The following SLC2A9 variants were observed in gnomAD, a reference collection of about 807,000 sequenced individuals.
SLC2A9 encodes solute carrier family 2, facilitated glucose transporter member 9.
In SLC2A9, 39 loss-of-function variants were observed where a neutral mutation model predicts 50.6. That is an observed-to-expected ratio of 0.77 (90% CI 0.60 to 1.01). SLC2A9 has a LOEUF of 1.01. Among genes scored for constraint, SLC2A9 ranks in the 50% least tolerant of loss-of-function variants. The pLI is 0.00. For missense variants in SLC2A9, 686 were observed against 677.6 expected, an observed-to-expected ratio of 1.01 and a Z score of -0.14; for synonymous variants, 324 against 276.9, an observed-to-expected ratio of 1.17 and a Z score of -1.69.
At chr4:10,036,000 G>A (rs1014365394) in intron 1 of SLC2A9, 34 of 194,102 alleles carry the variant, frequency 1.8e-4, no homozygotes, top group Middle Eastern at 2.2e-3. Flanking sequence ...GGACTGAGCC[G>A]TGCTGCCAGA....
intron 10 of SLC2A9, among the ~76,000 whole-genome samples, chr4:9,857,888 G>A (rs1730978822): frequency 6.6e-6 from 1 of 152,124 alleles, no homozygotes; most frequent in African/African-American, 2.4e-5. Context: ...CCCCTCCACT[G>A]AAGCCTACTC....
At chr4:9,814,186 A>G (rs868185645) in intron 3 of SLC2A9, among the ~76,000 whole-genome samples, 3 of 152,262 alleles carry the variant, frequency 2.0e-5, no homozygotes, top group Middle Eastern at 3.4e-3. Flanking sequence ...AAAGAGGAGG[A>G]GAAGGACATT....
At chr4:9,944,642 G>T (rs577121942) in intron 5 of SLC2A9, among the ~76,000 whole-genome samples, 2 of 152,320 alleles carry the variant, frequency 1.3e-5, no homozygotes, top group African/African-American at 4.8e-5. Flanking sequence ...CATCCCTGGG[G>T]TGAACAGCGG....
At chr4:10,025,840 G>T, upstream of SLC2A9, 4 of 1,502,352 alleles carry the variant, frequency 2.7e-6, no homozygotes, top group Non-Finnish European at 9.3e-7. Context: ...CAGGGGAAAG[G>T]GGTACTACCC....
intron 3 of SLC2A9, among the ~76,000 whole-genome samples, chr4:9,780,447 G>A (rs1718181776): frequency 6.6e-6 from 1 of 152,132 alleles, no homozygotes; most frequent in Admixed American, 6.5e-5. Flanking sequence ...GGGGAAGGAG[G>A]TTGGGGGAAG....
At chr4:9,814,805 G>T (rs1179679456) in intron 3 of SLC2A9, among the ~76,000 whole-genome samples, 1 of 152,084 alleles carries the variant, frequency 6.6e-6, no homozygotes, top group Admixed American at 6.5e-5. Flanking sequence ...ATGTCTCAGT[G>T]GTAAAAGAAA....
chr4:9,836,524 T>C (rs2109166018), intron 10 of SLC2A9, among the ~76,000 whole-genome samples: 1 of 152,210 alleles, frequency 6.6e-6, no homozygotes, highest in South Asian at 2.1e-4. Context: ...GCAGAGGTCC[T>C]ACAGGTGAAA....
intron 1 of SLC2A9, among the ~76,000 whole-genome samples, chr4:10,038,883 C>T (rs1360140027): frequency 6.6e-6 from 1 of 152,174 alleles, no homozygotes; most frequent in East Asian, 1.9e-4. Flanking sequence ...TGGCAGCACA[C>T]TAGAGCAGGA....
chr4:9,861,597 T>C (rs1286747875), intron 10 of SLC2A9, among the ~76,000 whole-genome samples: 1 of 152,202 alleles, frequency 6.6e-6, no homozygotes, highest in Non-Finnish European at 1.5e-5. Context: ...TTTTGCTCCA[T>C]GCACTGCTCC....
intron 10 of SLC2A9, among the ~76,000 whole-genome samples, chr4:9,853,655 C>G (rs997769518): frequency 6.6e-6 from 1 of 152,184 alleles, no homozygotes; most frequent in South Asian, 2.1e-4. Context: ...ATGAACCTGA[C>G]AGACATCTAC....
intron 5 of SLC2A9, among the ~76,000 whole-genome samples, chr4:9,948,282 GAGTTTTTA>G (rs1560365203): frequency 6.6e-6 from 1 of 152,184 alleles, no homozygotes; most frequent in Non-Finnish European, 1.5e-5. Flanking sequence ...ATCACTTGGA[GAGTTTTTA>G]CAAACTACTG....
At chr4:9,835,040 TC>T (rs765088363) in intron 10 of SLC2A9, 32 bp from the exon 11 acceptor site, 1 of 1,612,278 alleles carries the variant, frequency 6.2e-7, no homozygotes, top group Non-Finnish European at 8.5e-7. Flanking sequence ...ATGGAATTAA[TC>T]ACTCTGAGAA....
Position 9,996,737 on chromosome 4 carries a change from T to C in SLC2A9, c.410+44A>G, listed in dbSNP as rs1560459050. 8 of 1,606,990 alleles carry C rather than the reference T, an allele frequency of 5.0e-6. No individual in the cohort carries two copies. In the East Asian group the frequency reaches 1.8e-4, roughly 36 times the overall value. On this transcript the variant is annotated intron_variant, in intron 3 of 11. Transcript: ENST00000264784. ...CCCTGACAATGACACAGATATATTA[T>C]GAACATGGAGGGCACCCCCAGATAG...
chr4:9,826,403 C>T lies in SLC2A9; in HGVS notation c.1617G>A (p.Arg539=), dbSNP rs138578907. The change falls in exon 12 of 12, where the codon AGG becomes AGA. Residue 539 remains arginine, a synonymous_variant. Transcript: ENST00000264784. ...SAVTDGKING[R]P ...ACGTGGAGGAGGAAACTTGTTAAGG[C>T]CTTCCATTTATCTTACCATCAGTGA... 78 of 1,614,024 alleles carry T rather than the reference C, an allele frequency of 4.8e-5. No individual in the cohort carries two copies. In the Middle Eastern group the frequency reaches 2.8e-3, roughly 58 times the overall value.
intron 2 of SLC2A9, among the ~76,000 whole-genome samples, chr4:10,004,798 T>C (rs2109363490): frequency 6.6e-6 from 1 of 152,348 alleles, no homozygotes; most frequent in Admixed American, 6.5e-5. Flanking sequence ...TCATGAAGGC[T>C]TGGAGATATA....
chr4:9,783,841 T>C (rs748892950), intron 3 of SLC2A9: 57 of 212,806 alleles, frequency 2.7e-4, no homozygotes, highest in Non-Finnish European at 4.6e-4. Flanking sequence ...AAACAGCAGG[T>C]TGTGTGTGTG....
At chr4:10,033,652 C>T (rs1764005629) in intron 1 of SLC2A9, among the ~76,000 whole-genome samples, 1 of 152,206 alleles carries the variant, frequency 6.6e-6, no homozygotes, top group African/African-American at 2.4e-5. Context: ...TTAGTTACCC[C>T]AATACGCCCA....
At chr4:10,005,202 G>C (rs534192312) in intron 2 of SLC2A9, among the ~76,000 whole-genome samples, 12 of 152,328 alleles carry the variant, frequency 7.9e-5, no homozygotes, top group Non-Finnish European at 1.5e-4. Context: ...GCCAAGAAAG[G>C]CTGTGGAATC....
chr4:9,782,627 T>A (rs530028740), intron 3 of SLC2A9: 2 of 1,613,986 alleles, frequency 1.2e-6, no homozygotes, highest in African/African-American at 2.7e-5. Context: ...CCTGGCCAAC[T>A]GGACGCCCTG....
Sources: allele counts gnomAD v4.1 joint callset (sites outside exome capture counted in the v4.1 genomes callset), GRCh38; gene constraint gnomAD v4.1.1; transcripts MANE v1.5; gene names NCBI Gene and HGNC (gene_info 2026-07-23, HGNC 2026-07-21).